Variants in JMJD1C observed in about 807,000 individuals in gnomAD.
JMJD1C encodes jumonji domain-containing protein 1C.
A neutral mutation model predicts 245.3 loss-of-function variants in JMJD1C; 31 were observed. That is an observed-to-expected ratio of 0.13 (90% CI 0.09 to 0.17). The LOEUF is 0.17. JMJD1C is among the 10% of genes least tolerant of loss of function. JMJD1C has a pLI of 1.00. For synonymous variants in JMJD1C, 1,057 were observed against 1,017.4 expected, an observed-to-expected ratio of 1.04 and a Z score of -0.74; for missense variants, 2,691 against 3,000.2, an observed-to-expected ratio of 0.90 and a Z score of 2.41.
intron 2 of JMJD1C, among the ~76,000 whole-genome samples, chr10:63,355,384 A>G (rs1254011775): frequency 1.3e-5 from 2 of 152,198 alleles, no homozygotes; most frequent in African/African-American, 4.8e-5. Context: ...TTGTGTGCAT[A>G]TGTGTGCGCA....
intron 2 of JMJD1C, among the ~76,000 whole-genome samples, chr10:63,272,730 T>A (rs1856448535): frequency 6.6e-6 from 1 of 152,214 alleles, no homozygotes; most frequent in Admixed American, 6.5e-5. Context: ...TTAATACAGC[T>A]TAATATAACA....
At chr10:63,510,164 C>T (rs774084373) in intron 1 of JMJD1C, among the ~76,000 whole-genome samples, 31 of 151,906 alleles carry the variant, frequency 2.0e-4, no homozygotes, top group Non-Finnish European at 3.4e-4. Flanking sequence ...CCACCACGCC[C>T]GGATAATTTT....
intron 1 of JMJD1C, among the ~76,000 whole-genome samples, chr10:63,425,632 A>G (rs1950395976): frequency 6.6e-6 from 1 of 152,084 alleles, no homozygotes. Flanking sequence ...AAATAAAAAA[A>G]ATTAGCCAGG....
chr10:63,402,694 G>C (rs903902933), intron 1 of JMJD1C, among the ~76,000 whole-genome samples: 10 of 152,074 alleles, frequency 6.6e-5, no homozygotes, highest in African/African-American at 2.4e-4. Context: ...AAACATACTA[G>C]AAATTAGACT....
chr10:63,184,054 A>AT (rs1554828249), intron 21 of JMJD1C, among the ~76,000 whole-genome samples: 6 of 151,152 alleles, frequency 4.0e-5, no homozygotes, highest in Non-Finnish European at 8.8e-5. Flanking sequence ...CAGCCTCCTG[A>AT]TAGCTGGGAC....
At chr10:63,400,015 TACTC>T (rs1381673095) in intron 1 of JMJD1C, among the ~76,000 whole-genome samples, 1 of 152,154 alleles carries the variant, frequency 6.6e-6, no homozygotes, top group Non-Finnish European at 1.5e-5. Flanking sequence ...AAGCCTACTT[TACTC>T]ACTGTTCTGT....
At position 63,185,550 on chromosome 10, in the gene JMJD1C, A is replaced by G; in HGVS notation, c.6830+13T>C. On this transcript the variant is annotated intron_variant, in intron 20 of 25. Coordinates refer to ENST00000399262, the MANE Select transcript of JMJD1C (RefSeq NM_032776.3). ...TCTCAAAAAGTCAAGAGTCAAAATG[A>G]AAAGTTTCAAACCTTGCTGGCATCA... 6.6e-7 allele frequency: 1 copy of G among 1,504,224 alleles called. No homozygotes were observed. The highest frequency in any genetic ancestry group is 2.3e-5 in the East Asian group (1 of 44,410). The allele number at this position is 1,504,224 out of a possible 1,614,324, so 93.2% of individuals were successfully genotyped here.
chr10:63,193,542 C>T, intron 14 of JMJD1C, 70 bp from the exon 15 acceptor site: 2 of 1,069,612 alleles, frequency 1.9e-6, no homozygotes, highest in Non-Finnish European at 2.7e-6. Flanking sequence ...TTTTTTCTTA[C>T]AATATTTTGT....
chr10:63,231,044 A>T (rs1023747421), intron 3 of JMJD1C, among the ~76,000 whole-genome samples: 3 of 152,184 alleles, frequency 2.0e-5, no homozygotes, highest in Non-Finnish European at 2.9e-5. Context: ...AATTATTATA[A>T]CTTTTAAGGA....
At chr10:63,278,920 C>T (rs767256207) in intron 2 of JMJD1C, among the ~76,000 whole-genome samples, 13 of 151,678 alleles carry the variant, frequency 8.6e-5, no homozygotes, top group African/African-American at 1.5e-4. Flanking sequence ...TACTCATTAT[C>T]GCTTGAAAGC....
intron 1 of JMJD1C, among the ~76,000 whole-genome samples, chr10:63,477,553 CAAAAA>C (rs34332584): frequency 3.2e-5 from 4 of 126,686 alleles, no homozygotes; most frequent in East Asian, 4.6e-4. Context: ...ATCCATATGT[CAAAAA>C]AAAAAAAAAA....
At chr10:63,356,661 A>G (rs1041111075) in intron 2 of JMJD1C, among the ~76,000 whole-genome samples, 16 of 152,266 alleles carry the variant, frequency 1.1e-4, no homozygotes, top group African/African-American at 3.4e-4. Context: ...TAAGTTCTCT[A>G]TTTAGTTTAA....
At chr10:63,477,064 GAT>G (rs1953685288) in intron 1 of JMJD1C, among the ~76,000 whole-genome samples, 1 of 152,120 alleles carries the variant, frequency 6.6e-6, no homozygotes, top group Non-Finnish European at 1.5e-5. Flanking sequence ...CTCTCAAAAA[GAT>G]ATAGACTGAA....
chr10:63,243,112 TATATATATATATAA>T (rs1305389757), intron 3 of JMJD1C, among the ~76,000 whole-genome samples: 29 of 123,982 alleles, frequency 2.3e-4, no homozygotes, highest in East Asian at 4.7e-4. Context: ...ATTATATATA[TATATATATATATAA>T]ATATATATAT....
chr10:63,350,151 T>C (rs896103532), intron 2 of JMJD1C, among the ~76,000 whole-genome samples: 1 of 152,218 alleles, frequency 6.6e-6, no homozygotes, highest in African/African-American at 2.4e-5. Flanking sequence ...TTCTGTAACA[T>C]CCTTATTACC....
intron 2 of JMJD1C, among the ~76,000 whole-genome samples, chr10:63,334,495 G>T (rs1278511920): frequency 6.6e-6 from 1 of 152,100 alleles, no homozygotes; most frequent in Non-Finnish European, 1.5e-5. Flanking sequence ...GTCTAGGCAG[G>T]TGAATAGCTT....
chr10:63,362,154 G>A (rs377439884), intron 2 of JMJD1C, among the ~76,000 whole-genome samples: 62 of 150,722 alleles, frequency 4.1e-4, no homozygotes, highest in Admixed American at 1.3e-3. Context: ...AGGATCACTC[G>A]AACCTGGGAG....
chr10:63,507,741 T>G (rs968948934), intron 1 of JMJD1C, among the ~76,000 whole-genome samples: 1 of 151,708 alleles, frequency 6.6e-6, no homozygotes, highest in Non-Finnish European at 1.5e-5. Flanking sequence ...GCATTTTGTG[T>G]CATCGGTGTT....
intron 1 of JMJD1C, among the ~76,000 whole-genome samples, chr10:63,381,583 G>C (rs1947223938): frequency 6.6e-6 from 1 of 152,112 alleles, no homozygotes; most frequent in South Asian, 2.1e-4. Flanking sequence ...GTAGAATGAT[G>C]GTTATCAGAG....
Sources: gnomAD v4.1 joint callset for allele counts (sites outside exome capture counted in the v4.1 genomes callset) on GRCh38, gnomAD v4.1.1 for gene constraint, MANE v1.5 for transcripts, NCBI Gene and HGNC (gene_info 2026-07-23, HGNC 2026-07-21) for gene names.